SFMBT2: variants seen among roughly 807,000 people sequenced by gnomAD.
SFMBT2 encodes the protein Scm like with four mbt domains 2.
SFMBT2 carries 38 observed loss-of-function variants against 110.1 expected under a neutral mutation model. The ratio of observed to expected loss-of-function variants is 0.35; its 90% CI spans 0.27 to 0.45. SFMBT2 has a LOEUF of 0.45. SFMBT2 is among the 20% of genes least tolerant of loss of function. SFMBT2 has a pLI of 1.00. For missense variants in SFMBT2, 1,011 were observed against 1,094.9 expected (o/e 0.92, Z 1.08); for synonymous variants, 425 against 425.4 (o/e 1.00, Z 0.01).
intron 14 of SFMBT2, 28 bp downstream of exon 14, chr10:7,200,386 C>T (rs769753122): frequency 3.2e-6 from 5 of 1,540,162 alleles, no homozygotes; most frequent in Non-Finnish European, 3.5e-6. Context: ...TGGGAAGGCA[C>T]AGAGACCCCC....
intron 16 of SFMBT2, among the ~76,000 whole-genome samples, chr10:7,188,298 G>A (rs1001143107): frequency 6.6e-6 from 1 of 152,158 alleles, no homozygotes; most frequent in African/African-American, 2.4e-5. Flanking sequence ...ATAATGATGA[G>A]GGATATCCTC....
chr10:7,171,569 G>A lies in SFMBT2; in HGVS notation c.2415+326C>T. On this transcript the variant is annotated intron_variant, in intron 19 of 20. Transcript: ENST00000397167. This position sits in a 1 kb window ranked among gnomAD's most constrained non-coding sequence, Gnocchi z 4.9. Reference sequence around the variant, plus strand: ...GGGAGCAAGACACAGCGCAGTCAGGGGAGATGCGGGGAAGGAATTTCTGGA... The same window carrying A: ...GGGAGCAAGACACAGCGCAGTCAGGAGAGATGCGGGGAAGGAATTTCTGGA... 1 of 985,370 alleles carries A rather than the reference G, an allele frequency of 1.0e-6. No individual in the cohort carries two copies. The highest frequency in any genetic ancestry group is 1.2e-6 in the Non-Finnish European group (1 of 829,886). 61.0% of individuals were successfully genotyped at this position (985,370 alleles called of 1,614,324 possible).
At chr10:7,273,741 T>C (rs894954603) in intron 7 of SFMBT2, among the ~76,000 whole-genome samples, 1 of 152,236 alleles carries the variant, frequency 6.6e-6, no homozygotes, top group Admixed American at 6.5e-5. Context: ...CTTGCAATAC[T>C]CTGCTCAGAA....
intron 15 of SFMBT2, chr10:7,189,012 G>T: frequency 2.7e-6 from 1 of 364,238 alleles, no homozygotes; most frequent in Non-Finnish European, 3.8e-6. Context: ...AACTCTTCTA[G>T]TTGCAGAAAA....
chr10:7,399,718 A>C (rs1355806710), intron 1 of SFMBT2, among the ~76,000 whole-genome samples: 1 of 152,222 alleles, frequency 6.6e-6, no homozygotes, highest in Non-Finnish European at 1.5e-5. Context: ...CTTATCAGGC[A>C]CCAGAATGTG....
chr10:7,266,898 CCTCACAGAGGGGG>C lies in SFMBT2; in HGVS notation c.870+9981_870+9993del, dbSNP rs544519763. 4.3e-3 allele frequency among the ~76,000 whole-genome samples: 658 copies of C among 152,284 alleles called. 3 individuals carry two copies. The highest frequency in any genetic ancestry group is 0.015 in the African/African-American group (619 of 41,564). On this transcript the variant is annotated intron_variant, in intron 7 of 20. Transcript: ENST00000397167. ...TCACCTGGGAGGCCTAGGCTGTGGT[CCTCACAGAGGGGG>C]CTCGCCTGCAAGGGGGGGTCTGTGG... is the stretch of plus-strand genomic sequence containing the variant.
intron 1 of SFMBT2, among the ~76,000 whole-genome samples, chr10:7,394,805 G>A (rs1845878703): frequency 6.6e-6 from 1 of 152,032 alleles, no homozygotes; most frequent in African/African-American, 2.4e-5. Context: ...TAATCTACAC[G>A]AACTGCTTCT....
chr10:7,285,699 A>G (rs1842064829), intron 5 of SFMBT2, 167 bp downstream of exon 5: 1 of 617,356 alleles, frequency 1.6e-6, no homozygotes, highest in Non-Finnish European at 3.0e-6. Flanking sequence ...CATTCAAATC[A>G]GTCACCTAAG....
chr10:7,283,651 G>C (rs1223996114), intron 6 of SFMBT2, among the ~76,000 whole-genome samples: 2 of 152,150 alleles, frequency 1.3e-5, no homozygotes, highest in Non-Finnish European at 2.9e-5. Context: ...TTTCCTTTCT[G>C]AACCAGTGAT....
rs1280227989 is a variant in SFMBT2, at chr10:7,161,059, T to C, written c.*2711A>G. The C allele has an allele frequency of 6.6e-6, 1 of 152,262 alleles. No individual in the cohort carries two copies. Among genetic ancestry groups the C allele is most frequent in the East Asian group, 1.9e-4 (1 of 5,188 alleles). The allele number at this position is 152,262 out of a possible 1,614,324, so 9.4% of individuals were successfully genotyped here. ...AGTGCTCACCCATGGTGACCGCAAC[T>C]GCACAGAGAAACGCTGAAGTTAAAC... On this transcript the variant is annotated 3_prime_UTR_variant, in exon 21 of 21. Coordinates refer to ENST00000397167, the MANE Select transcript of SFMBT2 (RefSeq NM_001387889.1).
At chr10:7,221,187 T>C (rs371535421) in intron 10 of SFMBT2, among the ~76,000 whole-genome samples, 2 of 152,072 alleles carry the variant, frequency 1.3e-5, no homozygotes, top group East Asian at 1.9e-4. Context: ...CCTATACCCA[T>C]TGATAACAGT....
intron 16 of SFMBT2, among the ~76,000 whole-genome samples, chr10:7,186,508 A>T (rs1838417814): frequency 6.7e-6 from 1 of 150,124 alleles, no homozygotes; most frequent in South Asian, 2.1e-4. Flanking sequence ...ACAGGGTCTT[A>T]CTATGTTGTC....
At chr10:7,298,622 C>T (rs1049729404) in intron 4 of SFMBT2, among the ~76,000 whole-genome samples, 7 of 152,164 alleles carry the variant, frequency 4.6e-5, no homozygotes, top group South Asian at 2.1e-4. Context: ...TCTGTATGTG[C>T]GTCTATGTGC....
At chr10:7,181,013 G>A (rs531798672) in intron 16 of SFMBT2, among the ~76,000 whole-genome samples, 36 of 152,242 alleles carry the variant, frequency 2.4e-4, no homozygotes, top group African/African-American at 7.7e-4. Context: ...CCTGCTTACA[G>A]GCAGATCACG....
At chr10:7,176,848 T>C (rs1200552415) in intron 16 of SFMBT2, among the ~76,000 whole-genome samples, 1 of 152,056 alleles carries the variant, frequency 6.6e-6, no homozygotes, top group Non-Finnish European at 1.5e-5. Flanking sequence ...TTGCAGACAC[T>C]GGCAGCAAGT....
chr10:7,234,577 A>G (rs1319740335), intron 9 of SFMBT2, among the ~76,000 whole-genome samples: 3 of 152,222 alleles, frequency 2.0e-5, no homozygotes. Flanking sequence ...AAAATGACCT[A>G]GAGAGTTTTA....
intron 4 of SFMBT2, among the ~76,000 whole-genome samples, chr10:7,312,734 CA>C (rs1842894981): frequency 6.6e-6 from 1 of 152,150 alleles, no homozygotes; most frequent in African/African-American, 2.4e-5. Context: ...TAGCGAATCA[CA>C]ATGGTGTTTA....
At chr10:7,190,827 C>T (rs868130673) in intron 15 of SFMBT2, among the ~76,000 whole-genome samples, 39 of 152,190 alleles carry the variant, frequency 2.6e-4, no homozygotes, top group African/African-American at 9.2e-4. Flanking sequence ...GCTGTGACCC[C>T]ACCCAAATCT....
intron 7 of SFMBT2, among the ~76,000 whole-genome samples, chr10:7,262,243 G>A (rs1375650260): frequency 1.3e-5 from 2 of 150,036 alleles, no homozygotes; most frequent in African/African-American, 5.1e-5. Context: ...ATGTTTTTTG[G>A]AGGGGGGATG....
Sources: gnomAD v4.1 joint callset for allele counts (sites outside exome capture counted in the v4.1 genomes callset) on GRCh38, gnomAD v4.1.1 for gene constraint, Gnocchi (gnomAD v3.1) non-coding constraint, MANE v1.5 for transcripts, NCBI Gene and HGNC (gene_info 2026-07-23, HGNC 2026-07-21) for gene names.